CADM2: variants seen among roughly 807,000 people sequenced by gnomAD.
CADM2 encodes immunoglobulin superfamily member 4D.
CADM2 carries 12 observed loss-of-function variants against 49.8 expected under a neutral mutation model. The observed-to-expected ratio is 0.24, with a 90% CI of 0.15 to 0.39. The LOEUF (loss-of-function observed/expected upper bound fraction) is 0.39. Among genes scored for constraint, CADM2 ranks in the 10% least tolerant of loss-of-function variants. CADM2 has a pLI of 1.00. For missense variants in CADM2, 378 were observed against 492.3 expected (o/e 0.77, Z 2.20); for synonymous variants, 214 against 175.4 (o/e 1.22, Z -1.74).
In CADM2 at chr3:85,142,851, C is replaced by A. The variant is rs964200424; in HGVS notation, c.61+183183C>A. ...GAGCCAATATAAATCAGGACGATGA[C>A]CCTAATGAACAGATTGTCCACCAGT... On this transcript the variant is annotated intron_variant, in intron 1 of 9. Coordinates refer to ENST00000383699, the MANE Select transcript of CADM2 (RefSeq NM_001167675.2). Among the ~76,000 whole-genome samples the A allele has an allele frequency of 3.2e-4, 49 of 152,114 alleles. 1 individual carries two copies. Among genetic ancestry groups the A allele is most frequent in the African/African-American group, 1.2e-3 (49 of 41,428 alleles).
At chr3:86,045,441 C>T (rs1465478238) in intron 8 of CADM2, among the ~76,000 whole-genome samples, 2 of 151,988 alleles carry the variant, frequency 1.3e-5, no homozygotes, top group Non-Finnish European at 2.9e-5. Flanking sequence ...GTTCCACTTC[C>T]CAGGGACTCA....
intron 2 of CADM2, among the ~76,000 whole-genome samples, chr3:85,766,753 A>AT (rs1050943993): frequency 3.0e-4 from 45 of 152,056 alleles, no homozygotes; most frequent in African/African-American, 9.9e-4. Flanking sequence ...ATGAGCTTTC[A>AT]TTTTTTTTCT....
chr3:85,114,413 G>A (rs1384558637), intron 1 of CADM2, among the ~76,000 whole-genome samples: 1 of 152,098 alleles, frequency 6.6e-6, no homozygotes, highest in Non-Finnish European at 1.5e-5. Context: ...TTGTCACCCT[G>A]ACCTGGCCTA....
chr3:85,872,143 A>G (rs2075954991), intron 3 of CADM2, among the ~76,000 whole-genome samples: 1 of 152,182 alleles, frequency 6.6e-6, no homozygotes, highest in African/African-American at 2.4e-5. Flanking sequence ...GTCAAGCTCA[A>G]AGCCTGTAAG....
At position 85,411,802 on chromosome 3, in the gene CADM2, T is replaced by A. The variant is rs936086197; in HGVS notation, c.62-314720T>A. ...AGTTTGTTATGCCACCAAATTTAGA[T>A]TAAAAGCATCATTTCATGAACGATG... On this transcript the variant is annotated intron_variant, in intron 1 of 9. Transcript: ENST00000383699. 4.6e-5 allele frequency among the ~76,000 whole-genome samples: 7 copies of A among 152,134 alleles called. No homozygotes were observed. In the East Asian group the frequency reaches 1.3e-3, roughly 29 times the overall value.
intron 8 of CADM2, among the ~76,000 whole-genome samples, chr3:86,016,683 T>A (rs1392355350): frequency 6.6e-6 from 1 of 152,182 alleles, no homozygotes; most frequent in Non-Finnish European, 1.5e-5. Flanking sequence ...GTAATTTCTA[T>A]AATCTTAACC....
chr3:84,987,987 C>A (rs2032674854), intron 1 of CADM2, among the ~76,000 whole-genome samples: 1 of 152,110 alleles, frequency 6.6e-6, no homozygotes, highest in South Asian at 2.1e-4. Flanking sequence ...ATGAGAATTA[C>A]CCCTAGGGAA....
intron 1 of CADM2, among the ~76,000 whole-genome samples, chr3:85,548,921 A>G (rs922268819): frequency 2.0e-5 from 3 of 152,234 alleles, no homozygotes; most frequent in Admixed American, 6.5e-5. Context: ...CTTCTGTGGC[A>G]TATCTCCTAA....
chr3:85,807,041 G>A (rs1003100374), intron 3 of CADM2, among the ~76,000 whole-genome samples: 13 of 152,266 alleles, frequency 8.5e-5, no homozygotes, highest in African/African-American at 3.1e-4. Context: ...TTGAATCCAG[G>A]TGTAGCTTTT....
chr3:85,259,899 G>A (rs572800953), intron 1 of CADM2, among the ~76,000 whole-genome samples: 12 of 152,090 alleles, frequency 7.9e-5, no homozygotes, highest in African/African-American at 2.2e-4. Flanking sequence ...TTCCAAAATC[G>A]TTGTGCCAGG....
rs116155186 is a variant in CADM2 at position 85,319,669 on chromosome 3, T to C, written c.61+360001T>C. On this transcript the variant is annotated intron_variant, in intron 1 of 9. Coordinates refer to ENST00000383699, the MANE Select transcript of CADM2 (RefSeq NM_001167675.2). ...ACATGGATGTAGCTGTAGGCCATTA[T>C]CCTTAGCAAACGTATGCAGGAACAG... Among the ~76,000 whole-genome samples, 1,043 of 152,320 alleles carry C rather than the reference T, an allele frequency of 6.8e-3. 11 individuals are homozygous for C. The highest frequency in any genetic ancestry group is 0.014 in the Middle Eastern group (4 of 294).
At chr3:85,628,295 G>A (rs1401567411) in intron 1 of CADM2, among the ~76,000 whole-genome samples, 1 of 151,752 alleles carries the variant, frequency 6.6e-6, no homozygotes, top group Non-Finnish European at 1.5e-5. Flanking sequence ...CATCATGTTG[G>A]TATATCAATC....
At chr3:85,483,776 A>G (rs936221901) in intron 1 of CADM2, among the ~76,000 whole-genome samples, 3 of 151,326 alleles carry the variant, frequency 2.0e-5, no homozygotes, top group Non-Finnish European at 4.4e-5. Context: ...ATTATTTTTG[A>G]AACTACTGTT....
intron 1 of CADM2, among the ~76,000 whole-genome samples, chr3:85,429,790 C>T (rs2107518541): frequency 1.3e-5 from 2 of 152,204 alleles, no homozygotes; most frequent in South Asian, 4.1e-4. Context: ...AAATCTGACC[C>T]ACTTCCTATT....
intron 1 of CADM2, among the ~76,000 whole-genome samples, chr3:85,140,127 G>A (rs1456909502): frequency 6.6e-6 from 1 of 152,068 alleles, no homozygotes; most frequent in Non-Finnish European, 1.5e-5. Context: ...TTAAAAGATG[G>A]GCTCAGTCAT....
intron 1 of CADM2, among the ~76,000 whole-genome samples, chr3:85,567,386 G>A (rs1348272522): frequency 6.6e-6 from 1 of 151,968 alleles, no homozygotes; most frequent in Admixed American, 6.6e-5. Flanking sequence ...ATTTAAACTT[G>A]CTGTGTTGCA....
At chr3:85,213,426 G>C (rs1346733962) in intron 1 of CADM2, among the ~76,000 whole-genome samples, 2 of 151,762 alleles carry the variant, frequency 1.3e-5, no homozygotes, top group Non-Finnish European at 2.9e-5. Flanking sequence ...TTTCCATTGA[G>C]AAGTCTGCTA....
rs1254919742 is a variant in CADM2 at position 85,982,229 on chromosome 3, T to C, written c.970+20582T>C. Among the ~76,000 whole-genome samples, 3 of 151,688 alleles carry C rather than the reference T, an allele frequency of 2.0e-5. No individual in the cohort carries two copies. The East Asian group carries it at 5.8e-4, about 29-fold the overall frequency. On this transcript the variant is annotated intron_variant, in intron 8 of 9. Coordinates refer to ENST00000383699, the MANE Select transcript of CADM2 (RefSeq NM_001167675.2). Reference sequence around the variant, plus strand: ...TTTACTCTTTCTGGTAAATTCACTTTTTTTCAGGTTTCTTAACATGTTTTT... The same window carrying C: ...TTTACTCTTTCTGGTAAATTCACTTCTTTTCAGGTTTCTTAACATGTTTTT...
At chr3:86,012,213 A>G (rs1172004222) in intron 8 of CADM2, among the ~76,000 whole-genome samples, 1 of 152,160 alleles carries the variant, frequency 6.6e-6, no homozygotes, top group Non-Finnish European at 1.5e-5. Flanking sequence ...GGTGTATCTC[A>G]ATATGAAACA....
Sources: allele counts gnomAD v4.1 joint callset (sites outside exome capture counted in the v4.1 genomes callset), GRCh38; gene constraint gnomAD v4.1.1; transcripts MANE v1.5; gene names NCBI Gene and HGNC (gene_info 2026-07-23, HGNC 2026-07-21).